The following KCTD3 variants were observed in gnomAD, a reference collection of about 807,000 sequenced individuals.
KCTD3 encodes potassium channel tetramerization domain containing 3.
A neutral mutation model predicts 85.8 loss-of-function variants in KCTD3; 41 were observed. That is an observed-to-expected ratio of 0.48 (90% CI 0.37 to 0.62). KCTD3 has a LOEUF of 0.62. Ranked by LOEUF, KCTD3 falls within the 20% of genes least tolerant of loss-of-function variation. KCTD3 has a pLI of 0.00. For missense variants in KCTD3, 724 were observed against 989.9 expected (o/e 0.73, Z 3.60); for synonymous variants, 338 against 345.4 (o/e 0.98, Z 0.24).
intron 15 of KCTD3, among the ~76,000 whole-genome samples, chr1:215,614,418 C>T (rs759155222): frequency 5.9e-5 from 9 of 152,132 alleles, no homozygotes; most frequent in Non-Finnish European, 1.3e-4. Flanking sequence ...GTAGCATGGC[C>T]ATTTTAACAA....
chr1:215,614,737 C>T (rs892562142), intron 15 of KCTD3, among the ~76,000 whole-genome samples: 3 of 152,080 alleles, frequency 2.0e-5, no homozygotes, highest in African/African-American at 7.2e-5. Context: ...GTGGGGTTTT[C>T]TAGGTATAGA....
chr1:215,580,981 G>A (rs547737189), intron 8 of KCTD3: 134 of 466,236 alleles, frequency 2.9e-4, no homozygotes, highest in African/African-American at 2.2e-3. Context: ...GAGTGTTTTG[G>A]CTGGGCACGG....
At chr1:215,568,918 G>A (rs141955486) in intron 1 of KCTD3, among the ~76,000 whole-genome samples, 79 of 152,090 alleles carry the variant, frequency 5.2e-4, no homozygotes, top group African/African-American at 1.9e-3. Flanking sequence ...CAGTCTTATG[G>A]AGATTTATGT....
At position 215,620,284 on chromosome 1, in the gene KCTD3, A is replaced by G; in HGVS notation, c.2114A>G (p.Asn705Ser). The change falls in exon 18 of 18, where the codon AAT becomes AGT. Residue 705 changes from asparagine to serine, a missense_variant. Coordinates refer to ENST00000259154, the MANE Select transcript of KCTD3 (RefSeq NM_016121.5). ...AEVKGATGECNISERKSPGVE... is the reference protein window; with the variant it reads ...AEVKGATGECSISERKSPGVE... ...GTGAAAGGGGCAACAGGGGAATGTA[A>G]TATATCTGAGAGAAAGTCTCCTGGA... The G allele has an allele frequency of 2.5e-6, 4 of 1,614,012 alleles. No individual in the cohort carries two copies. Among genetic ancestry groups the G allele is most frequent in the Non-Finnish European group, 3.4e-6 (4 of 1,179,872 alleles).
rs573917283 is a variant in KCTD3 at position 215,571,100 on chromosome 1, A to G, written c.84-2686A>G. On this transcript the variant is annotated intron_variant, in intron 1 of 17. Transcript: ENST00000259154. ...TTTAAGCAGACCTTTGTGATTTTCT[A>G]AGTAGCACATAATTTTAATTATTTG... 6.6e-5 allele frequency among the ~76,000 whole-genome samples: 10 copies of G among 152,306 alleles called. No individual in the cohort carries two copies. In the South Asian group the frequency reaches 8.3e-4, roughly 13 times the overall value.
At chr1:215,568,658 G>A (rs1418637443) in intron 1 of KCTD3, among the ~76,000 whole-genome samples, 1 of 152,016 alleles carries the variant, frequency 6.6e-6, no homozygotes, top group Non-Finnish European at 1.5e-5. Flanking sequence ...AGATAAACAA[G>A]GAAATGCTCT....
chr1:215,597,262 TG>T (rs1654627837), intron 10 of KCTD3, among the ~76,000 whole-genome samples: 1 of 151,760 alleles, frequency 6.6e-6, no homozygotes, highest in South Asian at 2.1e-4. Flanking sequence ...TTCAGTTTCT[TG>T]TTTCCTTTTT....
At chr1:215,617,994 T>A (rs1558247463) in intron 15 of KCTD3, 1 of 353,724 alleles carries the variant, frequency 2.8e-6, no homozygotes. Flanking sequence ...TATAAAAGCA[T>A]CTTGCTGTGG....
Position 215,620,517 on chromosome 1 carries a change from G to C in KCTD3, c.2347G>C (p.Gly783Arg). Residue 783 changes from glycine to arginine, a missense_variant, in exon 18 of 18, where the codon GGA becomes CGA. By Grantham distance (125) the Gly-to-Arg change is moderately radical. Around this residue, in one of 6 missense-constraint regions of KCTD3, gnomAD observed 222 missense variants for 217.7 expected, o/e 1.02. Transcript: ENST00000259154. Reference sequence around the variant, plus strand: ...GTCATCACCAAGTACTTCCGATGGAGGAACTGACTCACCTGGTACTGCGTC... The same window carrying C: ...GTCATCACCAAGTACTTCCGATGGACGAACTGACTCACCTGGTACTGCGTC... ...LASSPSTSDG[G>R]TDSPGTASPS... 2 of 1,613,564 alleles carry C rather than the reference G, an allele frequency of 1.2e-6. No individual in the cohort carries two copies. Among genetic ancestry groups the C allele is most frequent in the Non-Finnish European group, 1.7e-6 (2 of 1,179,522 alleles).
At chr1:215,588,623 A>G (rs975705344) in intron 9 of KCTD3, among the ~76,000 whole-genome samples, 2 of 152,124 alleles carry the variant, frequency 1.3e-5, no homozygotes, top group South Asian at 2.1e-4. Flanking sequence ...TGAAATTCAT[A>G]TAAGTTTTCA....
In KCTD3 at chr1:215,608,610, C is replaced by G. The variant is rs191865847; in HGVS notation, c.1465+438C>G. On this transcript the variant is annotated intron_variant, in intron 14 of 17. Coordinates refer to ENST00000259154, the MANE Select transcript of KCTD3 (RefSeq NM_016121.5). ...TTCATTAGGAAACAATGTAGTATGT[C>G]TCCTTTGATATTCTCTGATTTCAGC... is the stretch of plus-strand genomic sequence containing the variant. Among the ~76,000 whole-genome samples the G allele has an allele frequency of 4.6e-5, 7 of 151,926 alleles. No individual in the cohort carries two copies. In the East Asian group the frequency reaches 1.4e-3, roughly 29 times the overall value.
In KCTD3 at chr1:215,579,058, A is replaced by C; in HGVS notation, c.456A>C (p.Leu152=). 1 of 1,592,622 alleles carries C rather than the reference A, an allele frequency of 6.3e-7. No homozygotes were observed. Among genetic ancestry groups the C allele is most frequent in the Non-Finnish European group, 8.5e-7 (1 of 1,172,712 alleles). The change falls in exon 7 of 18, where the codon CTA becomes CTC. Residue 152 remains leucine, a synonymous_variant. Coordinates refer to ENST00000259154, the MANE Select transcript of KCTD3 (RefSeq NM_016121.5). ...TVRSADSRNG[L]NSTEGEARGN... The stretch of plus-strand genomic sequence containing the variant: ...GATCTGCTGATTCTAGGAATGGTCT[A>C]AATTCTACAGAAGGTGAAGCCCGGG...
chr1:215,619,376 A>G lies in KCTD3; in HGVS notation c.1886+85A>G, dbSNP rs1655578585. Reference sequence around the variant, plus strand: ...AATATTGTAATCACATAGTTGTTCTAGAAAGCCATACTTCTCAAGGTACAT... The same window carrying G: ...AATATTGTAATCACATAGTTGTTCTGGAAAGCCATACTTCTCAAGGTACAT... On this transcript the variant is annotated intron_variant, in intron 17 of 17. Coordinates refer to ENST00000259154, the MANE Select transcript of KCTD3 (RefSeq NM_016121.5). 5.3e-6 allele frequency: 6 copies of G among 1,137,912 alleles called. No individual in the cohort carries two copies. In the African/African-American group the frequency reaches 6.2e-5, roughly 12 times the overall value. 70.5% of individuals were successfully genotyped at this position (1,137,912 alleles called of 1,614,324 possible).
chr1:215,602,020 T>C, intron 11 of KCTD3, 65 bp from the exon 12 acceptor site: 1 of 1,411,026 alleles, frequency 7.1e-7, no homozygotes, highest in Non-Finnish European at 9.9e-7. Flanking sequence ...CAAGAAAACA[T>C]TACCTTTCAG....
intron 10 of KCTD3, among the ~76,000 whole-genome samples, chr1:215,600,171 A>G (rs77696438): frequency 0.02 from 3,052 of 152,276 alleles, 110 homozygotes; most frequent in African/African-American, 0.07. Flanking sequence ...TAAAAGCCTG[A>G]CCTCAGGATA....
At chr1:215,601,839 A>C (rs1167128573) in intron 10 of KCTD3, 28 bp from the exon 11 acceptor site, 1 of 1,219,418 alleles carries the variant, frequency 8.2e-7, no homozygotes. Flanking sequence ...TTACTATCTA[A>C]CATCTGATAA....
chr1:215,620,071 A>C lies in KCTD3; in HGVS notation c.1901A>C (p.His634Pro). ...CTGTATTTCAGCCTTCAGCTTCAGC[A>C]CCATGATACCACCCATGAAGCAGCT... ...RESNSSLQLQ[H>P]HDTTHEAATY... The change falls in exon 18 of 18, where the codon CAC becomes CCC. Residue 634 changes from histidine (H) to proline (P), a missense_variant. This residue lies in a region of KCTD3 where 222 missense variants were observed against 217.7 expected (regional missense o/e 1.02). Transcript: ENST00000259154. 6.3e-7 allele frequency: 1 copy of C among 1,580,848 alleles called. No individual in the cohort carries two copies. The highest frequency in any genetic ancestry group is 8.6e-7 in the Non-Finnish European group (1 of 1,168,462).
chr1:215,602,239 T>TA (rs1289927033), intron 12 of KCTD3, 38 bp downstream of exon 12: 1 of 1,023,922 alleles, frequency 9.8e-7, no homozygotes, highest in Non-Finnish European at 1.5e-6. Flanking sequence ...CTTGACTTTT[T>TA]ATCTTTTTAT....
chr1:215,588,842 A>T (rs1660113725), intron 9 of KCTD3, among the ~76,000 whole-genome samples: 1 of 152,150 alleles, frequency 6.6e-6, no homozygotes, highest in Non-Finnish European at 1.5e-5. Flanking sequence ...CAGACAAGAG[A>T]TTGACTCTCT....
Sources: gnomAD v4.1 joint callset for allele counts (sites outside exome capture counted in the v4.1 genomes callset) on GRCh38, gnomAD v4.1.1 for gene constraint, gnomAD v4.1.1 regional missense constraint, MANE v1.5 for transcripts, NCBI Gene and HGNC (gene_info 2026-07-23, HGNC 2026-07-21) for gene names.